Variants in PPARGC1A observed in about 807,000 individuals in gnomAD.
PPARGC1A encodes PPARG coactivator 1 alpha, also known as peroxisome proliferator-activated receptor gamma coactivator 1-alpha.
PPARGC1A carries 25 observed loss-of-function variants against 88.7 expected under a neutral mutation model. The ratio of observed to expected loss-of-function variants is 0.28; its 90% CI spans 0.21 to 0.39. PPARGC1A has a LOEUF of 0.39. Among genes scored for constraint, PPARGC1A ranks in the 10% least tolerant of loss-of-function variants. The probability of loss-of-function intolerance (pLI) is 1.00; values close to 1 mark genes in which losing one functional copy is unlikely to be tolerated. For synonymous variants in PPARGC1A, 363 were observed against 355.6 expected (o/e 1.02, Z -0.24); for missense variants, 880 against 968.7 (o/e 0.91, Z 1.22).
chr4:23,992,688 C>T, the PPARGC1A span, among the ~76,000 whole-genome samples: 1 of 128,798 alleles, frequency 7.8e-6, no homozygotes, highest in Admixed American at 7.6e-5. Context: ...GATTGAAAGG[C>T]TCGATATAGC....
the PPARGC1A span, among the ~76,000 whole-genome samples, chr4:23,942,875 A>C: frequency 2.6e-5 from 4 of 152,316 alleles, no homozygotes; most frequent in Admixed American, 6.5e-5. Context: ...AAATTTTAGC[A>C]CTACAGAAAT....
the PPARGC1A span, among the ~76,000 whole-genome samples, chr4:24,011,592 T>C: frequency 1.3e-5 from 2 of 152,180 alleles, no homozygotes; most frequent in Non-Finnish European, 2.9e-5. Context: ...GTGTTCACAA[T>C]GTCCTAGATT....
the PPARGC1A span, among the ~76,000 whole-genome samples, chr4:23,986,409 T>C: frequency 6.6e-6 from 1 of 152,072 alleles, no homozygotes; most frequent in Non-Finnish European, 1.5e-5. Flanking sequence ...CCAGGTAACA[T>C]TCAGTTAAAA....
At chr4:23,924,286 T>C in the PPARGC1A span, among the ~76,000 whole-genome samples, 1 of 152,202 alleles carries the variant, frequency 6.6e-6, no homozygotes, top group Non-Finnish European at 1.5e-5. Context: ...TTGGGGGGAC[T>C]GTCAGCACTC....
At chr4:24,170,282 T>A in the PPARGC1A span, among the ~76,000 whole-genome samples, 2 of 152,134 alleles carry the variant, frequency 1.3e-5, no homozygotes, top group Non-Finnish European at 2.9e-5. Flanking sequence ...ATATCCAGTG[T>A]GAAAGAGATC....
chr4:24,216,960 A>G, the PPARGC1A span, among the ~76,000 whole-genome samples: 2 of 152,198 alleles, frequency 1.3e-5, no homozygotes, highest in African/African-American at 4.8e-5. Context: ...CACATAAGAG[A>G]TAACACATTC....
chr4:24,190,245 G>A, the PPARGC1A span, among the ~76,000 whole-genome samples: 1 of 152,214 alleles, frequency 6.6e-6, no homozygotes, highest in Non-Finnish European at 1.5e-5. Flanking sequence ...GGCGGGTACG[G>A]AGGCTCACGC....
At chr4:24,160,542 C>T in the PPARGC1A span, among the ~76,000 whole-genome samples, 1 of 152,148 alleles carries the variant, frequency 6.6e-6, no homozygotes, top group African/African-American at 2.4e-5. Flanking sequence ...CTTCATCATG[C>T]CAATCTCTTC....
At chr4:23,859,460 G>A (rs1730810742) in intron 2 of PPARGC1A, among the ~76,000 whole-genome samples, 1 of 152,174 alleles carries the variant, frequency 6.6e-6, no homozygotes, top group Non-Finnish European at 1.5e-5. Flanking sequence ...TTGGGAGACT[G>A]CAAAGAAGAA....
intron 10 of PPARGC1A, among the ~76,000 whole-genome samples, chr4:23,806,378 T>C (rs1300194620): frequency 1.3e-5 from 2 of 152,210 alleles, no homozygotes; most frequent in Non-Finnish European, 2.9e-5. Flanking sequence ...TGAATAGATT[T>C]CATATCTTTA....
chr4:23,815,670 G>A lies in PPARGC1A; in HGVS notation c.878-1065C>T, dbSNP rs75614222. On this transcript the variant is annotated intron_variant, in intron 7 of 12. Transcript: ENST00000264867. ...TAAGCCCTACTCATCCGTTTGTGCC[G>A]AGGAAGAACCATTGTCAAGTGGCTC... 1.6e-3 allele frequency among the ~76,000 whole-genome samples: 237 copies of A among 152,162 alleles called. 1 individual carries two copies. The East Asian group carries it at 0.034, about 22-fold the overall frequency.
chr4:23,897,334 T>C (rs115401490), intron 1 of PPARGC1A, among the ~76,000 whole-genome samples: 1 of 152,168 alleles, frequency 6.6e-6, no homozygotes, highest in Non-Finnish European at 1.5e-5. Flanking sequence ...ACTTTGAGGA[T>C]CTTGATTCAG....
upstream of PPARGC1A, among the ~76,000 whole-genome samples, chr4:23,890,926 C>G (rs1254349571): frequency 6.6e-6 from 1 of 152,086 alleles, no homozygotes; most frequent in African/African-American, 2.4e-5. Flanking sequence ...GCGTTTCCTC[C>G]CTAACTGCCT....
chr4:23,809,181 A>G (rs1720414377), intron 10 of PPARGC1A, among the ~76,000 whole-genome samples: 1 of 152,142 alleles, frequency 6.6e-6, no homozygotes, highest in Non-Finnish European at 1.5e-5. Flanking sequence ...TTTTCAAGCT[A>G]ATTTTTTCAA....
At chr4:23,829,965 AT>A (rs886345786) in intron 3 of PPARGC1A, among the ~76,000 whole-genome samples, 4 of 151,906 alleles carry the variant, frequency 2.6e-5, no homozygotes, top group Non-Finnish European at 2.9e-5. Flanking sequence ...TTGTCTACAT[AT>A]TTTTTTTGAA....
chr4:24,393,046 C>T, the PPARGC1A span, among the ~76,000 whole-genome samples: 1 of 113,038 alleles, frequency 8.8e-6, no homozygotes. Flanking sequence ...CACACACACA[C>T]ACCCCTTTTT....
At chr4:24,185,522 ATGG>A in the PPARGC1A span, among the ~76,000 whole-genome samples, 1 of 152,186 alleles carries the variant, frequency 6.6e-6, no homozygotes, top group African/African-American at 2.4e-5. Context: ...AAGGGTAGAG[ATGG>A]TGGTGTTGTA....
chr4:23,952,609 T>C, the PPARGC1A span, among the ~76,000 whole-genome samples: 1 of 152,138 alleles, frequency 6.6e-6, no homozygotes, highest in Non-Finnish European at 1.5e-5. Flanking sequence ...TCCAGAGATA[T>C]ATCCAGGTTT....
the PPARGC1A span, among the ~76,000 whole-genome samples, chr4:24,033,022 A>T: frequency 6.6e-6 from 1 of 152,228 alleles, no homozygotes; most frequent in Admixed American, 6.5e-5. Flanking sequence ...AAGTCACAAA[A>T]CTTGTATGTA....
Sources: gnomAD v4.1 joint callset for allele counts (sites outside exome capture counted in the v4.1 genomes callset) on GRCh38, gnomAD v4.1.1 for gene constraint, MANE v1.5 for transcripts, NCBI Gene and HGNC (gene_info 2026-07-23, HGNC 2026-07-21) for gene names.